APOA1: variants seen among roughly 807,000 people sequenced by gnomAD.
APOA1 encodes the protein apolipoprotein A-I.
APOA1 carries 22 observed loss-of-function variants against 25.9 expected under a neutral mutation model. The ratio of observed to expected loss-of-function variants is 0.85; its 90% CI spans 0.61 to 1.21. The LOEUF is 1.21. Among genes scored for constraint, APOA1 ranks in the 50% most tolerant of loss-of-function variants. APOA1 has a pLI of 0.00. For missense variants in APOA1, 351 were observed against 347.9 expected, an observed-to-expected ratio of 1.01 and a Z score of -0.07; for synonymous variants, 163 against 152.2, an observed-to-expected ratio of 1.07 and a Z score of -0.52.
intron 3 of APOA1, among the ~76,000 whole-genome samples, chr11:116,836,613 G>A (rs923707202): frequency 2.0e-5 from 3 of 152,230 alleles, no homozygotes; most frequent in Non-Finnish European, 4.4e-5. Flanking sequence ...AGGAGACAGA[G>A]CTGGGACTAG....
At chr11:116,836,477 C>A in intron 3 of APOA1, 66 bp from the exon 4 acceptor site, 1 of 1,596,896 alleles carries the variant, frequency 6.3e-7, no homozygotes. Context: ...GGGGTGAGCC[C>A]TGGGTGACAC....
chr11:116,837,120 G>A lies in APOA1; in HGVS notation c.81C>T (p.Pro27=), dbSNP rs1242024145. 6.2e-7 allele frequency: 1 copy of A among 1,613,558 alleles called. No homozygotes were observed. The highest frequency in any genetic ancestry group is 1.1e-5 in the South Asian group (1 of 91,082). The change falls in exon 3 of 4, where the codon CCC becomes CCT. Residue 27 remains proline (P), a synonymous_variant. Coordinates refer to ENST00000236850, the MANE Select transcript of APOA1 (RefSeq NM_000039.3). ...QARHFWQQDE[P]PQSPWDRVKD... The stretch of plus-strand genomic sequence containing the variant: ...TCACTCGATCCCAGGGGCTCTGGGG[G>A]GGTTCATCTTGCTGCCAGAAATGCC...
chr11:116,837,346 C>T lies in APOA1; in HGVS notation c.42G>A (p.Thr14=), dbSNP rs760255146. ...AVLTLAVLFL[T]GSQARHFWQQ... is the part of the protein sequence containing the mutation. ...CTCCCTAGGTTAGGGGACACCTACC[C>T]GTCAGGAAGAGCACGGCCAAGGTCA... The change falls in exon 2 of 4, where the codon ACG becomes ACA. Residue 14 remains threonine, a splice_region_variant and synonymous_variant. Transcript: ENST00000236850. The T allele has an allele frequency of 1.3e-5, 21 of 1,568,326 alleles. No individual in the cohort carries two copies. Among genetic ancestry groups the T allele is most frequent in the Admixed American group, 7.6e-5 (4 of 52,332 alleles).
intron 1 of APOA1, 95 bp downstream of exon 1, chr11:116,837,510 G>T: frequency 8.0e-7 from 1 of 1,257,454 alleles, no homozygotes; most frequent in Non-Finnish European, 1.1e-6. Flanking sequence ...GCACAGAGCG[G>T]GAGAAGACCT....
rs1424419114 is a variant in APOA1 at position 116,836,152 on chromosome 11, C to T, written c.460G>A (p.Ala154Thr). The T allele has an allele frequency of 4.3e-6, 7 of 1,613,388 alleles. No homozygotes were observed. Among genetic ancestry groups the T allele is most frequent in the Non-Finnish European group, 5.1e-6 (6 of 1,180,020 alleles). ...TGCAGCTCGTGCAGCTTCTGGCGCG[C>T]GCCCTCTTGGAGCTCTGCGCGCAGC... is the stretch of plus-strand genomic sequence containing the variant. ...EPLRAELQEG[A>T]RQKLHELQEK... The change falls in exon 4 of 4, where the codon GCG (alanine) becomes ACG (threonine). Residue 154 changes from alanine (A) to threonine (T), a missense_variant. Coordinates refer to ENST00000236850, the MANE Select transcript of APOA1 (RefSeq NM_000039.3).
At chr11:116,837,474 C>G in intron 1 of APOA1, 67 bp from the exon 2 acceptor site, 3 of 1,472,730 alleles carry the variant, frequency 2.0e-6, no homozygotes, top group Non-Finnish European at 2.8e-6. Context: ...TGCTCCCCCA[C>G]TCATTGCAGC....
rs763996092 is a variant in APOA1 at position 116,835,877 on chromosome 11, C to G, written c.735G>C (p.Val245=). 6.2e-7 allele frequency: 1 copy of G among 1,613,220 alleles called. No individual in the cohort carries two copies. The highest frequency in any genetic ancestry group is 8.5e-7 in the Non-Finnish European group (1 of 1,180,022). Residue 245 remains valine, a synonymous_variant, in exon 4 of 4, where the codon GTG becomes GTC. Transcript: ENST00000236850. ...LEDLRQGLLP[V]LESFKVSFLS... ...GGAAGCTGACCTTGAAGCTCTCCAG[C>G]ACGGGCAGCAGGCCTTGGCGGAGGT...
In APOA1 at chr11:116,836,560, G is replaced by C. The variant is rs981122231; in HGVS notation, c.201-149C>G. 3 of 1,113,776 alleles carry C rather than the reference G, an allele frequency of 2.7e-6. No individual in the cohort carries two copies. In the African/African-American group the frequency reaches 4.6e-5, roughly 17 times the overall value. The allele number at this position is 1,113,776 out of a possible 1,614,324, so 69.0% of individuals were successfully genotyped here. On this transcript the variant is annotated intron_variant, in intron 3 of 3. Transcript: ENST00000236850. ...CAACACCCCTGCCCCGCCAGGCCAT[G>C]CCCCGTTGTGCAGCTGGACCGAGGC...
In APOA1 at chr11:116,835,961, G is replaced by A. The variant is rs372930229; in HGVS notation, c.651C>T (p.His217=). 13 of 1,611,646 alleles carry A rather than the reference G, an allele frequency of 8.1e-6. No individual in the cohort carries two copies. The South Asian group carries it at 1.3e-4, about 16-fold the overall frequency. Residue 217 remains histidine, a synonymous_variant, in exon 4 of 4, where the codon CAC becomes CAT. Transcript: ENST00000236850. ...TGCTCAGATGCTCGGTGGCCTTGGC[G>A]TGGTACTCGGCCAGTCTGGCGCCGC... ...ENGGARLAEY[H]AKATEHLSTL... is the part of the protein sequence containing the mutation.
In APOA1 at chr11:116,836,194, G is replaced by A. The variant is rs760468591; in HGVS notation, c.418C>T (p.Arg140Cys). The change falls in exon 4 of 4, where the codon CGC becomes TGC. Residue 140 changes from arginine (R) to cysteine (C), a missense_variant. Arg to Cys is a radical substitution (Grantham distance 180, BLOSUM62 -3). Transcript: ENST00000236850. Reference protein sequence around the residue: ...KKWQEEMELYRQKVEPLRAEL... With the variant: ...KKWQEEMELYCQKVEPLRAEL... The stretch of plus-strand genomic sequence containing the variant: ...GCGCGCAGCGGCTCCACCTTCTGGC[G>A]GTAGAGCTCCATCTCCTCCTGCCAC... 2 of 1,613,752 alleles carry A rather than the reference G, an allele frequency of 1.2e-6. No homozygotes were observed. Among genetic ancestry groups the A allele is most frequent in the Non-Finnish European group, 8.5e-7 (1 of 1,180,030 alleles).
chr11:116,836,178 G>T lies in APOA1; in HGVS notation c.434C>A (p.Pro145Gln). ...GCCCTCTTGGAGCTCTGCGCGCAGC[G>T]GCTCCACCTTCTGGCGGTAGAGCTC... ...EMELYRQKVE[P>Q]LRAELQEGAR... The change falls in exon 4 of 4, where the codon CCG becomes CAG. Residue 145 changes from proline to glutamine, a missense_variant. Physicochemically the swap from Pro to Gln is moderately conservative, Grantham distance 76. Coordinates refer to ENST00000236850, the MANE Select transcript of APOA1 (RefSeq NM_000039.3). 1 of 1,613,634 alleles carries T rather than the reference G, an allele frequency of 6.2e-7. No individual in the cohort carries two copies. The highest frequency in any genetic ancestry group is 2.2e-5 in the East Asian group (1 of 44,874).
In APOA1 at chr11:116,835,835, C is replaced by T. The variant is rs1396707510; in HGVS notation, c.777G>A (p.Glu259=). The T allele has an allele frequency of 1.9e-6, 3 of 1,613,024 alleles. No homozygotes were observed. In the African/African-American group the frequency reaches 4.0e-5, roughly 22 times the overall value. The change falls in exon 4 of 4, where the codon GAG becomes GAA. Residue 259 remains glutamate, a synonymous_variant. Coordinates refer to ENST00000236850, the MANE Select transcript of APOA1 (RefSeq NM_000039.3). Reference sequence around the variant, plus strand: ...ACTGGGTGTTGAGCTTCTTAGTGTACTCCTCGAGAGCGCTCAGGAAGCTGA... The same window carrying T: ...ACTGGGTGTTGAGCTTCTTAGTGTATTCCTCGAGAGCGCTCAGGAAGCTGA... ...FKVSFLSALE[E]YTKKLNTQ
At chr11:116,836,540 C>G in intron 3 of APOA1, 129 bp from the exon 4 acceptor site, 1 of 1,271,614 alleles carries the variant, frequency 7.9e-7, no homozygotes, top group Non-Finnish European at 1.1e-6. Flanking sequence ...TCAACCAACA[C>G]CCCTGCCCCG....
chr11:116,836,866 C>T (rs1019781412), intron 3 of APOA1, 135 bp downstream of exon 3: 13 of 1,024,590 alleles, frequency 1.3e-5, no homozygotes, highest in South Asian at 9.6e-5. Flanking sequence ...GATCCCATTC[C>T]AGTTTCTCCA....
chr11:116,836,678 C>T (rs1591330778), intron 3 of APOA1, among the ~76,000 whole-genome samples: 1 of 152,264 alleles, frequency 6.6e-6, no homozygotes, highest in African/African-American at 2.4e-5. Context: ...GCTTCTATGC[C>T]TCCAGCGCAT....
rs755026583 is a variant in APOA1 at position 116,837,055 on chromosome 11, C to A, written c.146G>T (p.Ser49Ile). 6.2e-7 allele frequency: 1 copy of A among 1,614,194 alleles called. No homozygotes were observed. The highest frequency in any genetic ancestry group is 8.5e-7 in the Non-Finnish European group (1 of 1,180,046). Residue 49 changes from serine to isoleucine, a missense_variant, in exon 3 of 4, where the codon AGC (serine) becomes ATC (isoleucine). Transcript: ENST00000236850. ...ATVYVDVLKDSGRDYVSQFEG... is the reference protein window; with the variant it reads ...ATVYVDVLKDIGRDYVSQFEG... Reference sequence around the variant, plus strand: ...AAACTGGGACACATAGTCTCTGCCGCTGTCTTTGAGCACATCCACGTACAC... The same window carrying A: ...AAACTGGGACACATAGTCTCTGCCGATGTCTTTGAGCACATCCACGTACAC...
intron 3 of APOA1, 43 bp downstream of exon 3, chr11:116,836,958 T>TCTGCCCC (rs763345009): frequency 9.3e-6 from 15 of 1,608,650 alleles, no homozygotes; most frequent in South Asian, 3.3e-5. Context: ...CCCACAGGCC[T>TCTGCCCC]CTGCCCCCTA....
chr11:116,837,468 C>T, intron 1 of APOA1, 61 bp from the exon 2 acceptor site: 1 of 1,495,496 alleles, frequency 6.7e-7, no homozygotes, highest in Non-Finnish European at 9.1e-7. Context: ...GCCCCGTGCT[C>T]CCCCACTCAT....
intron 3 of APOA1, 27 bp downstream of exon 3, chr11:116,836,974 G>T (rs2134232717): frequency 1.2e-6 from 2 of 1,613,212 alleles, no homozygotes; most frequent in Non-Finnish European, 1.7e-6. Flanking sequence ...CCCTACCCCT[G>T]CCCTCAACCC....
Sources: gnomAD v4.1 joint callset for allele counts (sites outside exome capture counted in the v4.1 genomes callset) on GRCh38, gnomAD v4.1.1 for gene constraint, MANE v1.5 for transcripts, NCBI Gene and HGNC (gene_info 2026-07-23, HGNC 2026-07-21) for gene names.